The following FMN1 variants were observed in gnomAD, a reference collection of about 807,000 sequenced individuals.
FMN1 encodes formin 1.
Under a neutral mutation model 132.4 loss-of-function variants are expected in FMN1, and 110 were observed. That is an observed-to-expected ratio of 0.83 (90% CI 0.71 to 0.97). FMN1 has a LOEUF of 0.97. Among genes scored for constraint, FMN1 ranks in the 50% least tolerant of loss-of-function variants. The pLI, the probability that FMN1 is intolerant of heterozygous loss-of-function variation, is 0.00. For synonymous variants in FMN1, 722 were observed against 651.7 expected (o/e 1.11, Z -1.64); for missense variants, 1,792 against 1,705.3 (o/e 1.05, Z -0.90).
intron 6 of FMN1, among the ~76,000 whole-genome samples, chr15:33,047,800 A>T (rs879855186): frequency 1.3e-5 from 2 of 152,146 alleles, no homozygotes; most frequent in Admixed American, 1.3e-4. Flanking sequence ...CCTGCTTATT[A>T]TATTAGGCTG....
chr15:33,036,703 G>T (rs1335246870), intron 6 of FMN1, among the ~76,000 whole-genome samples: 1 of 152,130 alleles, frequency 6.6e-6, no homozygotes, highest in Non-Finnish European at 1.5e-5. Context: ...ACTTCACAGG[G>T]TTATAATAAG....
At chr15:32,882,161 G>C (rs558307742) in intron 16 of FMN1, among the ~76,000 whole-genome samples, 1 of 152,194 alleles carries the variant, frequency 6.6e-6, no homozygotes, top group African/African-American at 2.4e-5. Context: ...AGTCCCTTTA[G>C]AAGATGAGCC....
At chr15:33,053,856 G>C (rs1468686575) in intron 6 of FMN1, among the ~76,000 whole-genome samples, 1 of 152,136 alleles carries the variant, frequency 6.6e-6, no homozygotes, top group Non-Finnish European at 1.5e-5. Flanking sequence ...AAACTCTCCA[G>C]ATGCTATGGT....
At chr15:32,949,856 C>G (rs763446257) in intron 9 of FMN1, among the ~76,000 whole-genome samples, 1 of 142,634 alleles carries the variant, frequency 7.0e-6, no homozygotes, top group Non-Finnish European at 1.5e-5. Flanking sequence ...AACAAATGTA[C>G]AAGAAAAAAA....
intron 9 of FMN1, among the ~76,000 whole-genome samples, chr15:32,939,405 G>A (rs971941796): frequency 6.6e-6 from 1 of 152,066 alleles, no homozygotes; most frequent in Admixed American, 6.6e-5. Context: ...AACTGATGAA[G>A]AGAACAAGAA....
chr15:32,827,050 AAT>A (rs1230836199), intron 17 of FMN1, among the ~76,000 whole-genome samples: 1 of 152,198 alleles, frequency 6.6e-6, no homozygotes, highest in Non-Finnish European at 1.5e-5. Flanking sequence ...TTAGGCTCTG[AAT>A]ATGCGTTTAT....
chr15:32,868,740 T>C (rs2059449994), intron 16 of FMN1, among the ~76,000 whole-genome samples: 1 of 152,098 alleles, frequency 6.6e-6, no homozygotes, highest in African/African-American at 2.4e-5. Context: ...AGATACGAGA[T>C]ACACATTTTT....
In FMN1 at chr15:32,770,505, C is replaced by T. The variant is rs925379183; in HGVS notation, c.*3805G>A. 3.3e-5 allele frequency: 5 copies of T among 152,180 alleles called. No individual in the cohort carries two copies. Among genetic ancestry groups the T allele is most frequent in the Non-Finnish European group, 7.3e-5 (5 of 68,034 alleles). 9.4% of individuals were successfully genotyped at this position (152,180 alleles called of 1,614,324 possible). ...ATCTCACTGCGGCCCTTAGAAAAAC[C>T]GTACCAATGACTTATCTTACTGGAG... is the stretch of plus-strand genomic sequence containing the variant. On this transcript the variant is annotated 3_prime_UTR_variant, in exon 21 of 21. Coordinates refer to ENST00000616417, the MANE Select transcript of FMN1 (RefSeq NM_001277313.2).
At chr15:33,191,190 G>C (rs1281916733) in intron 2 of FMN1, among the ~76,000 whole-genome samples, 1 of 150,468 alleles carries the variant, frequency 6.6e-6, no homozygotes, top group Non-Finnish European at 1.5e-5. Flanking sequence ...AAAAAGTCCT[G>C]GCTACCTCCA....
chr15:32,964,495 C>A (rs2030991904), intron 8 of FMN1, among the ~76,000 whole-genome samples: 1 of 152,176 alleles, frequency 6.6e-6, no homozygotes, highest in Admixed American at 6.6e-5. Flanking sequence ...TAGCTACGAT[C>A]AAAGATAGAG....
At chr15:32,999,067 T>C (rs1042522555) in intron 7 of FMN1, among the ~76,000 whole-genome samples, 2 of 152,184 alleles carry the variant, frequency 1.3e-5, no homozygotes, top group African/African-American at 4.8e-5. Flanking sequence ...TGAATTAACA[T>C]ATTTCTCAAT....
At chr15:33,136,312 A>G (rs189489118) in intron 4 of FMN1, among the ~76,000 whole-genome samples, 41 of 152,374 alleles carry the variant, frequency 2.7e-4, no homozygotes, top group Admixed American at 2.2e-3. Flanking sequence ...GCACAAAAGT[A>G]TATGTCTTGG....
Position 32,964,178 on chromosome 15 carries a change from A to G in FMN1, c.3067T>C (p.Ser1023Pro). The G allele has an allele frequency of 1.9e-6, 3 of 1,613,250 alleles. No individual in the cohort carries two copies. Among genetic ancestry groups the G allele is most frequent in the South Asian group, 1.1e-5 (1 of 91,036 alleles). ...RDPSEFEYLF[S>P]KDTTQQKKKP... ...TTCTTCTGTTGAGTTGTGTCTTTGGAGAATAAATACTCAAATTCACTGGGG... is the reference window on the plus strand; with the variant it reads ...TTCTTCTGTTGAGTTGTGTCTTTGGGGAATAAATACTCAAATTCACTGGGG... The change falls in exon 9 of 21, where the codon TCC (serine) becomes CCC (proline). Residue 1023 changes from serine (S) to proline (P), a missense_variant. Ser to Pro is a moderately conservative substitution (Grantham distance 74). This residue lies in a region of FMN1 where 1,150 missense variants were observed against 1,043.1 expected (regional missense o/e 1.10). Coordinates refer to ENST00000616417, the MANE Select transcript of FMN1 (RefSeq NM_001277313.2).
At chr15:33,123,250 C>T (rs1350963095) in intron 4 of FMN1, among the ~76,000 whole-genome samples, 1 of 151,942 alleles carries the variant, frequency 6.6e-6, no homozygotes, top group African/African-American at 2.4e-5. Context: ...TTATTTCTGT[C>T]CACTCTGCTG....
intron 4 of FMN1, among the ~76,000 whole-genome samples, chr15:33,098,383 G>A (rs1381358835): frequency 6.6e-6 from 1 of 152,156 alleles, no homozygotes; most frequent in African/African-American, 2.4e-5. Context: ...TGAATGCTGA[G>A]GCCTGAGCTC....
At chr15:33,189,667 G>A (rs1001313210) in intron 2 of FMN1, among the ~76,000 whole-genome samples, 14 of 152,240 alleles carry the variant, frequency 9.2e-5, no homozygotes, top group African/African-American at 2.6e-4. Flanking sequence ...AGCCGGCCCC[G>A]TAAGCAAACA....
intron 16 of FMN1, among the ~76,000 whole-genome samples, chr15:32,865,756 A>C (rs1382510014): frequency 6.6e-6 from 1 of 151,930 alleles, no homozygotes; most frequent in Non-Finnish European, 1.5e-5. Flanking sequence ...GAATCACCTG[A>C]ACCTGGGAGG....
chr15:33,070,183 T>C (rs992501770), intron 5 of FMN1, among the ~76,000 whole-genome samples: 1 of 151,630 alleles, frequency 6.6e-6, no homozygotes, highest in Non-Finnish European at 1.5e-5. Context: ...TTTTGTATTT[T>C]TAGTAGAGAC....
intron 17 of FMN1, among the ~76,000 whole-genome samples, chr15:32,848,977 G>GT (rs71113479): frequency 0.46 from 40,553 of 88,336 alleles, 11,699 homozygotes; most frequent in Non-Finnish European, 0.56. Context: ...GTTCTCTTTT[G>GT]TTTTTTTTTT....
Sources: gnomAD v4.1 joint callset for allele counts (sites outside exome capture counted in the v4.1 genomes callset) on GRCh38, gnomAD v4.1.1 for gene constraint, gnomAD v4.1.1 regional missense constraint, MANE v1.5 for transcripts, NCBI Gene and HGNC (gene_info 2026-07-23, HGNC 2026-07-21) for gene names.